The following PDE4D variants were observed in gnomAD, a reference collection of about 807,000 sequenced individuals.
PDE4D encodes phosphodiesterase 4D.
PDE4D carries 24 observed loss-of-function variants against 87.4 expected under a neutral mutation model. That is an observed-to-expected ratio of 0.27 (90% CI 0.20 to 0.39). PDE4D has a LOEUF of 0.39. PDE4D is among the 10% of genes least tolerant of loss of function. PDE4D has a pLI of 1.00. For missense variants in PDE4D, 714 were observed against 1,041.0 expected, an observed-to-expected ratio of 0.69 and a Z score of 4.32; for synonymous variants, 384 against 383.2, an observed-to-expected ratio of 1.00 and a Z score of -0.02.
chr5:59,425,903 C>T (rs1405636828), intron 1 of PDE4D, among the ~76,000 whole-genome samples: 2 of 152,072 alleles, frequency 1.3e-5, no homozygotes, highest in Admixed American at 6.5e-5. Flanking sequence ...TGTGTCTACC[C>T]CAAAATTTGT....
intron 1 of PDE4D, among the ~76,000 whole-genome samples, chr5:60,282,129 A>G (rs1751971147): frequency 6.6e-6 from 1 of 151,362 alleles, no homozygotes; most frequent in South Asian, 2.1e-4. Context: ...TTCCTAGTGT[A>G]CAGAATCTAA....
chr5:60,509,192 C>T (rs1179425616), intron 1 of PDE4D, among the ~76,000 whole-genome samples: 5 of 152,184 alleles, frequency 3.3e-5, no homozygotes, highest in Non-Finnish European at 2.9e-5. Flanking sequence ...GAGAGCACTT[C>T]AGCACTATGC....
At chr5:59,570,642 T>C (rs1236837068) in intron 1 of PDE4D, among the ~76,000 whole-genome samples, 2 of 73,814 alleles carry the variant, frequency 2.7e-5, no homozygotes, top group Non-Finnish European at 5.6e-5. Context: ...TGTTGACAAA[T>C]ATGCAAAAAA....
chr5:60,522,107 T>C (rs1340133273), exon 1 of PDE4D: 3 of 152,180 alleles, frequency 2.0e-5, no homozygotes. Flanking sequence ...ATGCTCTTCT[T>C]GGTCCCACTC....
In PDE4D at chr5:59,244,295, G is replaced by A. The variant is rs550307440; in HGVS notation, c.456-28327C>T. Among the ~76,000 whole-genome samples, 3 of 152,018 alleles carry A rather than the reference G, an allele frequency of 2.0e-5. No individual in the cohort carries two copies. In the East Asian group the frequency reaches 5.8e-4, roughly 30 times the overall value. On this transcript the variant is annotated intron_variant, in intron 1 of 14. Transcript: ENST00000340635. The stretch of plus-strand genomic sequence containing the variant: ...AAACTAAAATCCCAGCTACTCAGGA[G>A]GCTGAGGTACAAGAATCACTTGAAC...
chr5:59,043,819 C>T (rs1465882999), intron 5 of PDE4D, among the ~76,000 whole-genome samples: 2 of 150,632 alleles, frequency 1.3e-5, no homozygotes, highest in Non-Finnish European at 2.9e-5. Flanking sequence ...GGTTTTTTGT[C>T]CTTGTGATAG....
intron 1 of PDE4D, among the ~76,000 whole-genome samples, chr5:59,871,900 C>T (rs1160467006): frequency 6.6e-6 from 1 of 152,120 alleles, no homozygotes; most frequent in African/African-American, 2.4e-5. Context: ...GTCACCAAAT[C>T]GTACTACTTC....
At chr5:59,653,250 A>G (rs1743819388) in intron 1 of PDE4D, among the ~76,000 whole-genome samples, 1 of 131,002 alleles carries the variant, frequency 7.6e-6, no homozygotes, top group African/African-American at 2.8e-5. Flanking sequence ...TCTGTTGCCA[A>G]GGCTGGAGTG....
At chr5:60,283,727 G>A (rs893986061) in intron 1 of PDE4D, among the ~76,000 whole-genome samples, 6 of 152,188 alleles carry the variant, frequency 3.9e-5, no homozygotes, top group African/African-American at 1.4e-4. Flanking sequence ...TGAGTTGATT[G>A]TTCTATATCA....
intron 1 of PDE4D, among the ~76,000 whole-genome samples, chr5:59,549,732 T>C (rs918716297): frequency 1.3e-5 from 2 of 152,122 alleles, no homozygotes; most frequent in African/African-American, 4.8e-5. Flanking sequence ...AAGCGCTATA[T>C]ATATACACAC....
At chr5:59,608,714 C>A (rs1022516263) in intron 1 of PDE4D, among the ~76,000 whole-genome samples, 1 of 152,130 alleles carries the variant, frequency 6.6e-6, no homozygotes, top group Non-Finnish European at 1.5e-5. Flanking sequence ...AGCCAGCTTC[C>A]ATGAAGTCTC....
At chr5:59,513,475 C>A (rs1333144675) in intron 1 of PDE4D, among the ~76,000 whole-genome samples, 1 of 152,116 alleles carries the variant, frequency 6.6e-6, no homozygotes, top group Non-Finnish European at 1.5e-5. Flanking sequence ...CCTTTAACAT[C>A]AGAGCTGACA....
At chr5:59,296,168 T>G (rs919763994) in intron 1 of PDE4D, among the ~76,000 whole-genome samples, 3 of 152,172 alleles carry the variant, frequency 2.0e-5, no homozygotes, top group African/African-American at 7.2e-5. Flanking sequence ...CATACTGATG[T>G]ACTGCTTTAT....
At chr5:59,438,161 T>G (rs1797058859) in intron 1 of PDE4D, among the ~76,000 whole-genome samples, 1 of 152,188 alleles carries the variant, frequency 6.6e-6, no homozygotes, top group African/African-American at 2.4e-5. Flanking sequence ...ATTATAGAAA[T>G]GAACTATAAT....
chr5:60,391,636 T>C (rs1380625933), intron 1 of PDE4D, among the ~76,000 whole-genome samples: 1 of 152,220 alleles, frequency 6.6e-6, no homozygotes, highest in Non-Finnish European at 1.5e-5. Context: ...TCTCTTTTCC[T>C]GCCTACCTTT....
At chr5:60,247,297 A>G (rs1449315994) in intron 1 of PDE4D, among the ~76,000 whole-genome samples, 1 of 151,966 alleles carries the variant, frequency 6.6e-6, no homozygotes, top group African/African-American at 2.4e-5. Flanking sequence ...ACCCATAGTA[A>G]TGATTTTATT....
intron 1 of PDE4D, among the ~76,000 whole-genome samples, chr5:59,392,441 G>C (rs1049736731): frequency 1.4e-4 from 21 of 150,676 alleles, no homozygotes; most frequent in African/African-American, 5.1e-4. Context: ...GCCTATTGTG[G>C]AACGTTGTGA....
intron 1 of PDE4D, among the ~76,000 whole-genome samples, chr5:59,822,235 TA>T (rs1366552998): frequency 6.6e-6 from 1 of 152,220 alleles, no homozygotes; most frequent in African/African-American, 2.4e-5. Context: ...GAATTAGAGA[TA>T]GGGAAACCCA....
intron 1 of PDE4D, among the ~76,000 whole-genome samples, chr5:59,424,462 G>T (rs1452683896): frequency 6.6e-6 from 1 of 152,128 alleles, no homozygotes; most frequent in Non-Finnish European, 1.5e-5. Context: ...ATATAGAAAG[G>T]ATGGTTAACT....
Sources: allele counts gnomAD v4.1 joint callset (sites outside exome capture counted in the v4.1 genomes callset), GRCh38; gene constraint gnomAD v4.1.1; transcripts MANE v1.5; gene names NCBI Gene and HGNC (gene_info 2026-07-23, HGNC 2026-07-21).